Variants in SBF2 observed in about 807,000 individuals in gnomAD.
SBF2 encodes the protein myotubularin-related protein 13.
Under a neutral mutation model 225.2 loss-of-function variants are expected in SBF2, and 112 were observed. The ratio of observed to expected loss-of-function variants is 0.50; its 90% CI spans 0.43 to 0.58. SBF2 has a LOEUF of 0.58. Among genes scored for constraint, SBF2 ranks in the 20% least tolerant of loss-of-function variants. SBF2 has a pLI of 0.00. For missense variants in SBF2, 1,996 were observed against 2,206.2 expected (o/e 0.90, Z 1.91); for synonymous variants, 763 against 773.3 (o/e 0.99, Z 0.22).
At chr11:10,071,630 G>T (rs1950883990) in intron 2 of SBF2, among the ~76,000 whole-genome samples, 1 of 152,088 alleles carries the variant, frequency 6.6e-6, no homozygotes, top group African/African-American at 2.4e-5. Context: ...TTGGCTGTGG[G>T]TTTGTCATAA....
intron 2 of SBF2, among the ~76,000 whole-genome samples, chr11:10,137,246 A>G (rs1023723662): frequency 6.6e-6 from 1 of 152,230 alleles, no homozygotes; most frequent in Non-Finnish European, 1.5e-5. Context: ...GTACGATCTC[A>G]TAACCTGTGA....
At chr11:9,782,833 G>A (rs1315100203) in intron 38 of SBF2, among the ~76,000 whole-genome samples, 1 of 148,916 alleles carries the variant, frequency 6.7e-6, no homozygotes, top group Non-Finnish European at 1.5e-5. Flanking sequence ...TTGCACCACT[G>A]CACTCCAGCC....
At chr11:10,291,668 AC>A (rs1964167123) in intron 1 of SBF2, among the ~76,000 whole-genome samples, 1 of 119,094 alleles carries the variant, frequency 8.4e-6, no homozygotes. Flanking sequence ...ACACACACAC[AC>A]ACACACACAC....
intron 3 of SBF2, among the ~76,000 whole-genome samples, chr11:10,036,135 A>G (rs1387999160): frequency 1.3e-5 from 2 of 152,216 alleles, no homozygotes; most frequent in Non-Finnish European, 1.5e-5. Flanking sequence ...GCTGGAAACC[A>G]TAATTCTCGG....
Position 9,871,433 on chromosome 11 carries a change from C to T in SBF2, c.1930-13037G>A, listed in dbSNP as rs553194432. Among the ~76,000 whole-genome samples the T allele has an allele frequency of 1.4e-3, 216 of 150,504 alleles. 1 individual carries two copies. Among genetic ancestry groups the T allele is most frequent in the African/African-American group, 5.0e-3 (204 of 41,186 alleles). On this transcript the variant is annotated intron_variant, in intron 17 of 39. Transcript: ENST00000256190. ...TCATTAGAGAAATGATAATCAAACC[C>T]ACAATGAGATAACACCTCACACCAG...
At chr11:10,127,759 T>C (rs1476226008) in intron 2 of SBF2, among the ~76,000 whole-genome samples, 2 of 152,264 alleles carry the variant, frequency 1.3e-5, no homozygotes, top group African/African-American at 2.4e-5. Flanking sequence ...TATATCCCTA[T>C]ATGGCCTAAC....
chr11:10,183,666 T>G (rs1956821698), intron 2 of SBF2, among the ~76,000 whole-genome samples: 1 of 152,222 alleles, frequency 6.6e-6, no homozygotes, highest in South Asian at 2.1e-4. Flanking sequence ...GGCTTATCAC[T>G]TCCACAACTG....
At chr11:10,151,529 A>G (rs1331346787) in intron 2 of SBF2, among the ~76,000 whole-genome samples, 1 of 152,222 alleles carries the variant, frequency 6.6e-6, no homozygotes, top group Admixed American at 6.5e-5. Context: ...CAGCAGGTTA[A>G]TCTGATTACT....
At chr11:9,994,735 A>C (rs1329712426) in intron 9 of SBF2, among the ~76,000 whole-genome samples, 1 of 151,802 alleles carries the variant, frequency 6.6e-6, no homozygotes, top group Non-Finnish European at 1.5e-5. Context: ...TCTAAGTGTA[A>C]TTAAAAATTA....
In SBF2 at chr11:9,816,889, A is replaced by T; in HGVS notation, c.3929T>A (p.Leu1310Ter). The change falls in exon 29 of 40, where the codon TTG becomes TAG. Residue 1310 changes from leucine to a stop codon, truncating the protein, a stop_gained. Coordinates refer to ENST00000256190, the MANE Select transcript of SBF2 (RefSeq NM_030962.4). LOFTEE classifies it high-confidence loss of function. ...SNSSYLQNQL[L>*]KRQAALYIFG... ...TATGTAAAGGGCTGCTTGCCGTTTC[A>T]AGAGCTGGTTTTGTAGGTAGCTGCT... 1 of 1,614,174 alleles carries T rather than the reference A, an allele frequency of 6.2e-7. No homozygotes were observed. Among genetic ancestry groups the T allele is most frequent in the Non-Finnish European group, 8.5e-7 (1 of 1,180,034 alleles).
At chr11:10,265,715 C>T (rs1453687713) in intron 1 of SBF2, among the ~76,000 whole-genome samples, 3 of 152,090 alleles carry the variant, frequency 2.0e-5, no homozygotes, top group African/African-American at 4.8e-5. Context: ...GACAGGGTCT[C>T]GCTCTGTTAC....
At chr11:10,004,119 C>T (rs1385944268) in intron 6 of SBF2, among the ~76,000 whole-genome samples, 3 of 151,988 alleles carry the variant, frequency 2.0e-5, no homozygotes, top group Non-Finnish European at 2.9e-5. Context: ...GTAATAGTTT[C>T]GTAAGTGATT....
At chr11:9,825,457 AC>A (rs1223667044) in intron 28 of SBF2, among the ~76,000 whole-genome samples, 8 of 152,148 alleles carry the variant, frequency 5.3e-5, no homozygotes, top group African/African-American at 1.9e-4. Context: ...GCACTTTGTT[AC>A]GGTAGCCCTA....
chr11:9,920,094 TAGAA>T (rs1863483287), intron 16 of SBF2, among the ~76,000 whole-genome samples: 1 of 151,788 alleles, frequency 6.6e-6, no homozygotes, highest in Non-Finnish European at 1.5e-5. Flanking sequence ...TCCAAAGAAA[TAGAA>T]ATAAGACTCA....
intron 2 of SBF2, among the ~76,000 whole-genome samples, chr11:10,046,662 T>C (rs1445656522): frequency 6.6e-6 from 1 of 151,630 alleles, no homozygotes; most frequent in East Asian, 1.9e-4. Flanking sequence ...CTATGGCTAG[T>C]ACCATACTTA....
rs1241848517 is a variant in SBF2 at position 9,780,291 on chromosome 11, G to A, written c.*127C>T. 1 of 790,860 alleles carries A rather than the reference G, an allele frequency of 1.3e-6. No homozygotes were observed. Among genetic ancestry groups the A allele is most frequent in the Non-Finnish European group, 2.1e-6 (1 of 466,226 alleles). The allele number at this position is 790,860 out of a possible 1,614,324, so 49.0% of individuals were successfully genotyped here. On this transcript the variant is annotated 3_prime_UTR_variant, in exon 40 of 40. Transcript: ENST00000256190. The stretch of plus-strand genomic sequence containing the variant: ...AGATATAGCAACCCCTGCAAGAGGG[G>A]ACTGGGCAGGAGAACCTCAGGCCCT...
In SBF2 at chr11:9,992,597, G is replaced by A. The variant is rs959925907; in HGVS notation, c.1168-54C>T. ...ATTTATCACTTGGTAACGGACAAAT[G>A]GTCAAAACAGAAATACAATAAAAAG... On this transcript the variant is annotated intron_variant, in intron 11 of 39. Transcript: ENST00000256190. 16 of 1,533,414 alleles carry A rather than the reference G, an allele frequency of 1.0e-5. No homozygotes were observed. In the African/African-American group the frequency reaches 1.9e-4, roughly 19 times the overall value. The allele number at this position is 1,533,414 out of a possible 1,614,324, so 95.0% of individuals were successfully genotyped here.
intron 2 of SBF2, among the ~76,000 whole-genome samples, chr11:10,176,435 G>C (rs1382011430): frequency 2.0e-5 from 3 of 151,676 alleles, no homozygotes; most frequent in Non-Finnish European, 4.4e-5. Flanking sequence ...AAAATTGATA[G>C]ACCACTAGCA....
At chr11:9,956,794 T>C (rs890665329) in intron 16 of SBF2, 6 of 152,068 alleles carry the variant, frequency 3.9e-5, no homozygotes, top group African/African-American at 9.7e-5. Context: ...TTGTTTCTTA[T>C]TACAAAAGAA....
Sources: allele counts gnomAD v4.1 joint callset (sites outside exome capture counted in the v4.1 genomes callset), GRCh38; gene constraint gnomAD v4.1.1; transcripts MANE v1.5; gene names NCBI Gene and HGNC (gene_info 2026-07-23, HGNC 2026-07-21).